The following CPEB3 variants were observed in gnomAD, a reference collection of about 807,000 sequenced individuals.
CPEB3 encodes cytoplasmic polyadenylation element binding protein 3, also known as cytoplasmic polyadenylation element-binding protein 3.
Under a neutral mutation model 67.2 loss-of-function variants are expected in CPEB3, and 20 were observed. That is an observed-to-expected ratio of 0.30 (90% CI 0.21 to 0.43). The LOEUF is 0.43. Among genes scored for constraint, CPEB3 ranks in the 20% least tolerant of loss-of-function variants. CPEB3 has a pLI of 1.00. For synonymous variants in CPEB3, 376 were observed against 393.1 expected (o/e 0.96, Z 0.51); for missense variants, 746 against 968.6 (o/e 0.77, Z 3.05).
At chr10:92,196,763 T>C (rs1393045187) in intron 2 of CPEB3, among the ~76,000 whole-genome samples, 2 of 138,746 alleles carry the variant, frequency 1.4e-5, no homozygotes, top group South Asian at 2.2e-4. Flanking sequence ...CAAGACTCCG[T>C]CTCAAAAAAA....
intron 2 of CPEB3, among the ~76,000 whole-genome samples, chr10:92,211,210 T>G (rs1331404299): frequency 6.6e-6 from 1 of 152,214 alleles, no homozygotes; most frequent in Non-Finnish European, 1.5e-5. Context: ...TTCAGCCACT[T>G]TTAGACAATT....
At chr10:92,233,059 T>A (rs1658039300) in intron 2 of CPEB3, among the ~76,000 whole-genome samples, 1 of 152,196 alleles carries the variant, frequency 6.6e-6, no homozygotes, top group Admixed American at 6.6e-5. Context: ...AACCATGTCA[T>A]AACAGGTTCT....
intron 7 of CPEB3, among the ~76,000 whole-genome samples, chr10:92,106,498 G>C (rs1364617423): frequency 6.6e-6 from 1 of 152,108 alleles, no homozygotes; most frequent in Non-Finnish European, 1.5e-5. Context: ...TTTGTAAGGA[G>C]TCTTTAAGGG....
chr10:92,273,231 C>T (rs1056942685), intron 1 of CPEB3, among the ~76,000 whole-genome samples: 1 of 152,006 alleles, frequency 6.6e-6, no homozygotes, highest in Non-Finnish European at 1.5e-5. Context: ...TGTCTAGATC[C>T]ATATATTGTA....
chr10:92,132,447 G>C (rs1845885931), intron 6 of CPEB3, among the ~76,000 whole-genome samples: 1 of 152,094 alleles, frequency 6.6e-6, no homozygotes, highest in African/African-American at 2.4e-5. Context: ...AACATGTGTA[G>C]TATTTTCTTA....
At chr10:92,237,792 T>C (rs532846312) in intron 2 of CPEB3, among the ~76,000 whole-genome samples, 1 of 152,306 alleles carries the variant, frequency 6.6e-6, no homozygotes, top group South Asian at 2.1e-4. Flanking sequence ...AGCAAATTCC[T>C]CCTTTTCTCT....
chr10:92,090,754 T>G (rs767032402), intron 8 of CPEB3, among the ~76,000 whole-genome samples: 7 of 152,196 alleles, frequency 4.6e-5, no homozygotes, highest in Non-Finnish European at 1.0e-4. Context: ...AGGGCTGCAT[T>G]TGCCCCCATC....
intron 7 of CPEB3, 143 bp downstream of exon 7, chr10:92,110,933 A>G (rs1033513296): frequency 2.6e-5 from 18 of 699,050 alleles, no homozygotes; most frequent in Non-Finnish European, 3.6e-5. Context: ...ATCACCAACG[A>G]AAGTCCAACT....
intron 3 of CPEB3, among the ~76,000 whole-genome samples, chr10:92,187,682 T>C (rs952304935): frequency 3.3e-5 from 5 of 152,164 alleles, no homozygotes; most frequent in Non-Finnish European, 7.3e-5. Flanking sequence ...TGAACCTGCA[T>C]CATAGGTAGA....
At chr10:92,110,261 C>G (rs1419243200) in intron 7 of CPEB3, among the ~76,000 whole-genome samples, 1 of 152,228 alleles carries the variant, frequency 6.6e-6, no homozygotes, top group African/African-American at 2.4e-5. Flanking sequence ...GTATATACAG[C>G]TCTGGTCTCT....
intron 1 of CPEB3, among the ~76,000 whole-genome samples, chr10:92,275,001 A>G (rs1372587489): frequency 1.3e-5 from 2 of 152,174 alleles, no homozygotes; most frequent in Non-Finnish European, 2.9e-5. Context: ...GGCCGAACCC[A>G]TGAGAGCATG....
At chr10:92,160,616 C>T (rs746173909) in intron 4 of CPEB3, among the ~76,000 whole-genome samples, 17 of 152,188 alleles carry the variant, frequency 1.1e-4, no homozygotes, top group Non-Finnish European at 2.1e-4. Flanking sequence ...ACTTATTTCT[C>T]TCCCAAACAA....
intron 2 of CPEB3, among the ~76,000 whole-genome samples, chr10:92,215,153 T>A (rs1452568903): frequency 4.1e-5 from 6 of 144,750 alleles, no homozygotes; most frequent in African/African-American, 1.0e-4. Context: ...AAGCCAAGAT[T>A]TTTTTTTTTT....
chr10:92,064,805 G>A (rs548852554), intron 9 of CPEB3, among the ~76,000 whole-genome samples: 1 of 152,114 alleles, frequency 6.6e-6, no homozygotes, highest in South Asian at 2.1e-4. Flanking sequence ...ACCAACTAGA[G>A]GCTGTCCCGT....
At chr10:92,245,903 T>C (rs1852039443) in intron 1 of CPEB3, among the ~76,000 whole-genome samples, 1 of 151,804 alleles carries the variant, frequency 6.6e-6, no homozygotes, top group African/African-American at 2.4e-5. Flanking sequence ...CCAGATGTGG[T>C]GGCAGGCGCC....
chr10:92,119,745 T>C (rs1229141739), intron 6 of CPEB3, among the ~76,000 whole-genome samples: 2 of 152,130 alleles, frequency 1.3e-5, no homozygotes, highest in Non-Finnish European at 2.9e-5. Flanking sequence ...AAGAAATATA[T>C]ATAGCTATTG....
chr10:92,100,275 T>C (rs1446551784), intron 7 of CPEB3, among the ~76,000 whole-genome samples: 1 of 151,690 alleles, frequency 6.6e-6, no homozygotes, highest in Non-Finnish European at 1.5e-5. Context: ...GGTTTTTTTT[T>C]GTTTGTTTGT....
At chr10:92,151,513 T>C (rs1590247837) in intron 4 of CPEB3, among the ~76,000 whole-genome samples, 2 of 152,048 alleles carry the variant, frequency 1.3e-5, no homozygotes, top group South Asian at 4.2e-4. Context: ...AATGAGAGAG[T>C]TTAACTAGAT....
chr10:92,070,190 G>A (rs571940880), intron 9 of CPEB3, among the ~76,000 whole-genome samples: 4 of 152,206 alleles, frequency 2.6e-5, no homozygotes, highest in Non-Finnish European at 4.4e-5. Context: ...TTCCATGATC[G>A]AAACAAATTT....
Sources: allele counts gnomAD v4.1 joint callset (sites outside exome capture counted in the v4.1 genomes callset), GRCh38; gene constraint gnomAD v4.1.1; transcripts MANE v1.5; gene names NCBI Gene and HGNC (gene_info 2026-07-23, HGNC 2026-07-21).